LRRC1: variants seen among roughly 807,000 people sequenced by gnomAD.
LRRC1 encodes the protein leucine-rich repeat-containing protein 1.
LRRC1 carries 28 observed loss-of-function variants against 69.9 expected under a neutral mutation model. That is an observed-to-expected ratio of 0.40 (90% CI 0.30 to 0.55). The LOEUF is 0.55. Ranked by LOEUF, LRRC1 falls within the 20% of genes least tolerant of loss-of-function variation. The pLI is 0.47. For missense variants in LRRC1, 498 were observed against 609.0 expected (o/e 0.82, Z 1.92); for synonymous variants, 236 against 240.2 (o/e 0.98, Z 0.16).
chr6:53,883,092 T>C, intron 4 of LRRC1, 116 bp downstream of exon 4: 1 of 635,506 alleles, frequency 1.6e-6, no homozygotes, highest in South Asian at 2.0e-5. Context: ...CATTTACTCA[T>C]TCTTTAATGT....
chr6:53,838,151 T>G (rs1478402342), intron 1 of LRRC1, among the ~76,000 whole-genome samples: 1 of 152,244 alleles, frequency 6.6e-6, no homozygotes, highest in Non-Finnish European at 1.5e-5. Flanking sequence ...ATTTGAGAAT[T>G]TAATACAGTT....
chr6:53,874,432 A>G (rs1297054679), intron 2 of LRRC1, among the ~76,000 whole-genome samples: 1 of 152,046 alleles, frequency 6.6e-6, no homozygotes, highest in African/African-American at 2.4e-5. Context: ...TATTTATGCT[A>G]TTACTTTCAT....
chr6:53,865,575 T>C (rs1766673789), intron 2 of LRRC1, among the ~76,000 whole-genome samples: 1 of 152,034 alleles, frequency 6.6e-6, no homozygotes, highest in Non-Finnish European at 1.5e-5. Flanking sequence ...GTTTATGCCA[T>C]ATTATTTTTT....
At chr6:53,855,741 C>T (rs1238173786) in intron 2 of LRRC1, among the ~76,000 whole-genome samples, 2 of 152,144 alleles carry the variant, frequency 1.3e-5, no homozygotes, top group African/African-American at 2.4e-5. Flanking sequence ...ACAGGGAGCA[C>T]CTTTGCTTTA....
At chr6:53,820,593 G>A (rs1035416695) in intron 1 of LRRC1, among the ~76,000 whole-genome samples, 4 of 151,142 alleles carry the variant, frequency 2.6e-5, no homozygotes, top group East Asian at 1.9e-4. Context: ...TAACCTCCCC[G>A]CCCCCATTTT....
At chr6:53,908,221 T>C (rs1768300134) in intron 10 of LRRC1, among the ~76,000 whole-genome samples, 1 of 152,132 alleles carries the variant, frequency 6.6e-6, no homozygotes, top group Non-Finnish European at 1.5e-5. Flanking sequence ...AAATTGAGCT[T>C]ATATCCAAGT....
intron 1 of LRRC1, among the ~76,000 whole-genome samples, chr6:53,803,224 A>G (rs1454456766): frequency 1.3e-5 from 2 of 152,150 alleles, no homozygotes; most frequent in African/African-American, 4.8e-5. Flanking sequence ...CAGTGTAAAC[A>G]TTTCTTTGCG....
At chr6:53,810,641 C>T (rs1399903331) in intron 1 of LRRC1, among the ~76,000 whole-genome samples, 6 of 151,920 alleles carry the variant, frequency 3.9e-5, no homozygotes, top group South Asian at 2.1e-4. Flanking sequence ...AGCTTTTACA[C>T]GTAGACATTT....
intron 1 of LRRC1, among the ~76,000 whole-genome samples, chr6:53,838,802 C>G (rs1289107820): frequency 1.3e-5 from 2 of 152,110 alleles, no homozygotes; most frequent in Non-Finnish European, 2.9e-5. Flanking sequence ...TGAGCACTTT[C>G]CTCATCATCT....
chr6:53,801,685 G>A (rs1212798109), intron 1 of LRRC1, among the ~76,000 whole-genome samples: 1 of 152,062 alleles, frequency 6.6e-6, no homozygotes, highest in Non-Finnish European at 1.5e-5. Context: ...TAGAGAAGTT[G>A]TCATTTGTCT....
chr6:53,909,214 A>G (rs1768335524), intron 10 of LRRC1, among the ~76,000 whole-genome samples: 2 of 152,228 alleles, frequency 1.3e-5, no homozygotes, highest in South Asian at 4.1e-4. Context: ...TCTAATTATC[A>G]CAACAGTTCT....
chr6:53,802,333 G>A (rs775713036), intron 1 of LRRC1, among the ~76,000 whole-genome samples: 1 of 152,188 alleles, frequency 6.6e-6, no homozygotes, highest in Non-Finnish European at 1.5e-5. Flanking sequence ...CCTGTGGGAT[G>A]TTCTGGGAGA....
At chr6:53,892,011 T>TATATAC (rs1428852703) in intron 4 of LRRC1, among the ~76,000 whole-genome samples, 3 of 135,376 alleles carry the variant, frequency 2.2e-5, no homozygotes, top group African/African-American at 8.6e-5. Flanking sequence ...TATATATATA[T>TATATAC]ACACACACAC....
At chr6:53,910,375 T>G (rs1768370096) in intron 10 of LRRC1, among the ~76,000 whole-genome samples, 2 of 152,180 alleles carry the variant, frequency 1.3e-5, no homozygotes, top group South Asian at 2.1e-4. Context: ...ACCTGTAAAC[T>G]CTGCCTCCTG....
chr6:53,851,932 C>T (rs1357066866), intron 2 of LRRC1, among the ~76,000 whole-genome samples: 1 of 152,132 alleles, frequency 6.6e-6, no homozygotes, highest in Non-Finnish European at 1.5e-5. Flanking sequence ...CAAGTGTTTG[C>T]GACTTTTTTA....
intron 4 of LRRC1, among the ~76,000 whole-genome samples, chr6:53,894,492 C>T (rs991637638): frequency 6.6e-6 from 1 of 152,124 alleles, no homozygotes; most frequent in Non-Finnish European, 1.5e-5. Context: ...CAAAGAAGGA[C>T]ATTTTCCTTC....
intron 1 of LRRC1, among the ~76,000 whole-genome samples, chr6:53,821,588 C>A (rs1042209287): frequency 6.6e-6 from 1 of 152,136 alleles, no homozygotes; most frequent in African/African-American, 2.4e-5. Flanking sequence ...GATGGCAGTG[C>A]TTCTCTGTTT....
At position 53,844,998 on chromosome 6, in the gene LRRC1, T is replaced by C. The variant is rs1765897316; in HGVS notation, c.277+2771T>C. The stretch of plus-strand genomic sequence containing the variant: ...GGCGGGGGGATCACTAGGTCAGGAG[T>C]TCGAGACCAGCCTGACCAACATGGT... On this transcript the variant is annotated intron_variant, in intron 2 of 13. Coordinates refer to ENST00000370888, the MANE Select transcript of LRRC1 (RefSeq NM_018214.5). Among the ~76,000 whole-genome samples, 5 of 152,054 alleles carry C rather than the reference T, an allele frequency of 3.3e-5. 1 individual carries two copies. Among genetic ancestry groups the C allele is most frequent in the Admixed American group, 2.6e-4 (4 of 15,258 alleles).
intron 4 of LRRC1, among the ~76,000 whole-genome samples, chr6:53,886,832 G>T (rs1175808698): frequency 1.3e-5 from 2 of 152,126 alleles, no homozygotes; most frequent in African/African-American, 4.8e-5. Context: ...AAGCACTTTA[G>T]TCCTTTGTCT....
Sources: gnomAD v4.1 joint callset for allele counts (sites outside exome capture counted in the v4.1 genomes callset) on GRCh38, gnomAD v4.1.1 for gene constraint, MANE v1.5 for transcripts, NCBI Gene and HGNC (gene_info 2026-07-23, HGNC 2026-07-21) for gene names.